KALRN: variants seen among roughly 807,000 people sequenced by gnomAD.
KALRN encodes the protein kalirin RhoGEF kinase, also known as kalirin.
KALRN carries 70 observed loss-of-function variants against 353.7 expected under a neutral mutation model. The ratio of observed to expected loss-of-function variants is 0.20; its 90% CI spans 0.16 to 0.24. The LOEUF (loss-of-function observed/expected upper bound fraction) is 0.24. Ranked by LOEUF, KALRN falls within the 10% of genes least tolerant of loss-of-function variation. KALRN has a pLI of 1.00. For missense variants in KALRN, 2,791 were observed against 3,756.7 expected, an observed-to-expected ratio of 0.74 and a Z score of 6.72; for synonymous variants, 1,391 against 1,434.8, an observed-to-expected ratio of 0.97 and a Z score of 0.69.
chr3:124,197,055 A>G (rs999454756), intron 1 of KALRN, among the ~76,000 whole-genome samples: 11 of 152,194 alleles, frequency 7.2e-5, no homozygotes, highest in African/African-American at 2.7e-4. Context: ...CTATGCTACC[A>G]TCATTTATTT....
intron 36 of KALRN, among the ~76,000 whole-genome samples, chr3:124,635,592 C>A (rs2081272230): frequency 6.6e-6 from 1 of 152,082 alleles, no homozygotes; most frequent in Non-Finnish European, 1.5e-5. Context: ...GAGCATCTAG[C>A]AAATGGAGTT....
Position 124,243,297 on chromosome 3 carries a change from G to A in KALRN, c.263+8354G>A, listed in dbSNP as rs146781954. On this transcript the variant is annotated intron_variant, in intron 3 of 59. Coordinates refer to ENST00000682506, the MANE Select transcript of KALRN (RefSeq NM_001388419.1). ...GACTACAGGGGCTCATGGAAACGCT[G>A]TGAACAGGGACAGGTTGTAGGGAGT... Among the ~76,000 whole-genome samples, 413 of 152,302 alleles carry A rather than the reference G, an allele frequency of 2.7e-3. 8 individuals are homozygous for A. Among genetic ancestry groups the A allele is most frequent in the East Asian group, 1.9e-3 (10 of 5,186 alleles).
At chr3:124,046,327 A>G (rs1416132766) in intron 1 of KALRN, among the ~76,000 whole-genome samples, 3 of 152,156 alleles carry the variant, frequency 2.0e-5, no homozygotes, top group Non-Finnish European at 4.4e-5. Context: ...CAAAGAGGTT[A>G]TCTCTGGAAT....
chr3:124,466,573 C>T (rs2060367336), intron 25 of KALRN, among the ~76,000 whole-genome samples: 1 of 152,106 alleles, frequency 6.6e-6, no homozygotes, highest in Non-Finnish European at 1.5e-5. Context: ...GAACTTCTTC[C>T]TTTTTGGTTT....
intron 1 of KALRN, among the ~76,000 whole-genome samples, chr3:124,063,848 G>C (rs1362471226): frequency 6.6e-6 from 1 of 152,194 alleles, no homozygotes; most frequent in Non-Finnish European, 1.5e-5. Context: ...GGCTAGTAGG[G>C]ATCAGAAAGG....
chr3:124,322,098 T>A (rs181388633), intron 6 of KALRN, among the ~76,000 whole-genome samples: 131 of 152,330 alleles, frequency 8.6e-4, no homozygotes, highest in African/African-American at 3.0e-3. Context: ...GAAGGGCCTC[T>A]GGCCCTTGGT....
chr3:124,454,027 T>G (rs895155549), intron 21 of KALRN, among the ~76,000 whole-genome samples: 7 of 152,220 alleles, frequency 4.6e-5, no homozygotes, highest in African/African-American at 1.7e-4. Context: ...CAAGTAGGTA[T>G]TGAACAAACT....
At position 124,499,399 on chromosome 3, in the gene KALRN, A is replaced by G. The variant is rs546485451; in HGVS notation, c.4935+2986A>G. Among the ~76,000 whole-genome samples, 11 of 152,368 alleles carry G rather than the reference A, an allele frequency of 7.2e-5. No homozygotes were observed. In the South Asian group the frequency reaches 2.1e-3, roughly 29 times the overall value. On this transcript the variant is annotated intron_variant, in intron 33 of 59. Transcript: ENST00000682506. ...CTCACTAAGTCATTGGTAAGATTAC[A>G]TAAAATATTTGCTTGATAACCATTA...
intron 5 of KALRN, among the ~76,000 whole-genome samples, chr3:124,283,283 G>A (rs189945030): frequency 6.6e-6 from 1 of 152,344 alleles, no homozygotes; most frequent in East Asian, 1.9e-4. Context: ...AACTTGCCAA[G>A]GGCCAGATCT....
chr3:124,637,096 G>C, intron 36 of KALRN, 112 bp from the exon 37 acceptor site: 4 of 859,178 alleles, frequency 4.7e-6, no homozygotes, highest in Non-Finnish European at 7.9e-6. Flanking sequence ...TCTAAACACA[G>C]AACTTTGCTT....
In KALRN at chr3:124,268,836, G is replaced by A. The variant is rs151088783; in HGVS notation, c.550G>A (p.Glu184Lys). The change falls in exon 5 of 60, where the codon GAG (glutamate) becomes AAG (lysine). Residue 184 changes from glutamate (E) to lysine (K), a missense_variant. Glu to Lys is a moderately conservative substitution (Grantham distance 56). This residue lies in a region of KALRN where 366 missense variants were observed against 489.2 expected (regional missense o/e 0.75). Transcript: ENST00000682506. ...TGGCTCCCTGGACTACAACCATGAG[G>A]AGTGGATCGAACTGCGGCTCTCCCT... ...FDGSLDYNHE[E>K]WIELRLSLEE... 1.9e-6 allele frequency: 3 copies of A among 1,614,150 alleles called. No homozygotes were observed. The highest frequency in any genetic ancestry group is 1.7e-6 in the Non-Finnish European group (2 of 1,180,034).
intron 15 of KALRN, among the ~76,000 whole-genome samples, chr3:124,429,083 A>T (rs2093159248): frequency 6.6e-6 from 1 of 152,216 alleles, no homozygotes. Context: ...TTTCAAAATC[A>T]TTAGCACCTC....
At chr3:124,517,557 T>C (rs977750351) in intron 33 of KALRN, among the ~76,000 whole-genome samples, 2 of 152,210 alleles carry the variant, frequency 1.3e-5, no homozygotes, top group African/African-American at 4.8e-5. Flanking sequence ...AAGTTGACCT[T>C]CCTTGAGAGG....
chr3:124,462,844 C>T (rs1314704365), intron 25 of KALRN, among the ~76,000 whole-genome samples: 1 of 152,166 alleles, frequency 6.6e-6, no homozygotes, highest in Non-Finnish European at 1.5e-5. Context: ...CAGCAGTGCT[C>T]CTCCCCATCT....
chr3:124,656,288 T>TTG (rs1279626973), intron 39 of KALRN, among the ~76,000 whole-genome samples: 1 of 151,754 alleles, frequency 6.6e-6, no homozygotes, highest in Non-Finnish European at 1.5e-5. Context: ...TAGAGCCCTA[T>TTG]TGTTAATCAT....
intron 3 of KALRN, among the ~76,000 whole-genome samples, chr3:124,242,530 C>G (rs1371161738): frequency 6.6e-6 from 1 of 152,172 alleles, no homozygotes; most frequent in East Asian, 1.9e-4. Context: ...AGAAGGTGAA[C>G]TCTGAAGGAT....
chr3:124,397,724 C>A (rs2090338761), intron 12 of KALRN, among the ~76,000 whole-genome samples: 1 of 152,194 alleles, frequency 6.6e-6, no homozygotes. Context: ...CCTCTCCCTA[C>A]TACGTTTGTA....
chr3:124,649,499 C>G (rs928003876), intron 37 of KALRN, among the ~76,000 whole-genome samples: 2 of 152,144 alleles, frequency 1.3e-5, no homozygotes, highest in Admixed American at 6.5e-5. Context: ...TAGGGCCAGA[C>G]ACGCTGTCTC....
intron 3 of KALRN, among the ~76,000 whole-genome samples, chr3:124,236,711 G>A (rs1214386776): frequency 2.0e-5 from 3 of 152,156 alleles, no homozygotes; most frequent in Non-Finnish European, 2.9e-5. Context: ...CAGACGGGAA[G>A]CAATTTAAAA....
Sources: gnomAD v4.1 joint callset for allele counts (sites outside exome capture counted in the v4.1 genomes callset) on GRCh38, gnomAD v4.1.1 for gene constraint, gnomAD v4.1.1 regional missense constraint, MANE v1.5 for transcripts, NCBI Gene and HGNC (gene_info 2026-07-23, HGNC 2026-07-21) for gene names.